PTPDC1: variants seen among roughly 807,000 people sequenced by gnomAD.
PTPDC1 encodes protein tyrosine phosphatase domain containing 1.
PTPDC1 carries 53 observed loss-of-function variants against 75.3 expected under a neutral mutation model. That is an observed-to-expected ratio of 0.70 (90% CI 0.56 to 0.88). The LOEUF (loss-of-function observed/expected upper bound fraction) is 0.88. PTPDC1 is among the 40% of genes least tolerant of loss of function. The probability of loss-of-function intolerance (pLI) is 0.00; values close to 1 mark genes in which losing one functional copy is unlikely to be tolerated. For missense variants in PTPDC1, 925 were observed against 998.6 expected (o/e 0.93, Z 0.99); for synonymous variants, 349 against 366.2 (o/e 0.95, Z 0.54).
intron 1 of PTPDC1, among the ~76,000 whole-genome samples, chr9:94,063,183 T>C (rs1449859622): frequency 1.3e-5 from 2 of 152,250 alleles, no homozygotes; most frequent in African/African-American, 4.8e-5. Flanking sequence ...CTCTGGGACA[T>C]GGTTCATAAC....
At chr9:94,055,031 A>G (rs1825892302) in intron 1 of PTPDC1, among the ~76,000 whole-genome samples, 2 of 152,208 alleles carry the variant, frequency 1.3e-5, no homozygotes, top group African/African-American at 4.8e-5. Flanking sequence ...GCTCCATTCT[A>G]TTTTGTAGAG....
chr9:94,098,520 G>A lies in PTPDC1; in HGVS notation c.1954G>A (p.Ala652Thr), dbSNP rs1827708276. Reference protein sequence around the residue: ...ARRILAAKALANLNESVEKEE... With the variant: ...ARRILAAKALTNLNESVEKEE... Reference sequence around the variant, plus strand: ...AAGAATACTGGCGGCCAAAGCCCTAGCAAATTTAAATGAATCTGTAGAAAA... The same window carrying A: ...AAGAATACTGGCGGCCAAAGCCCTAACAAATTTAAATGAATCTGTAGAAAA... The change falls in exon 6 of 9, where the codon GCA becomes ACA. Residue 652 changes from alanine to threonine, a missense_variant. Coordinates refer to ENST00000620992, the MANE Select transcript of PTPDC1 (RefSeq NM_001253829.2). 1 of 1,614,048 alleles carries A rather than the reference G, an allele frequency of 6.2e-7. No individual in the cohort carries two copies. The highest frequency in any genetic ancestry group is 1.3e-5 in the African/African-American group (1 of 74,924).
intron 5 of PTPDC1, among the ~76,000 whole-genome samples, chr9:94,096,547 A>G (rs754762803): frequency 1.3e-5 from 2 of 152,144 alleles, no homozygotes; most frequent in Admixed American, 6.5e-5. Context: ...ATTTGAATTA[A>G]TTTATTAATT....
At chr9:94,083,232 G>A (rs1049162098), upstream of PTPDC1, among the ~76,000 whole-genome samples, 23 of 152,198 alleles carry the variant, frequency 1.5e-4, no homozygotes, top group Admixed American at 1.4e-3. Flanking sequence ...TTAGGGTCCT[G>A]AGGGCCTTGC....
chr9:94,094,547 C>G (rs1827465667), intron 4 of PTPDC1, among the ~76,000 whole-genome samples: 1 of 152,132 alleles, frequency 6.6e-6, no homozygotes, highest in African/African-American at 2.4e-5. Flanking sequence ...TGTGCCCTGC[C>G]CCCAGAGGTG....
intron 2 of PTPDC1, among the ~76,000 whole-genome samples, chr9:94,065,090 C>T (rs576253531): frequency 2.0e-5 from 3 of 152,386 alleles, no homozygotes; most frequent in Non-Finnish European, 4.4e-5. Context: ...TTGTTCCTAT[C>T]ATCAAAGGCC....
intron 2 of PTPDC1, among the ~76,000 whole-genome samples, chr9:94,086,109 T>C (rs1827065228): frequency 6.6e-6 from 1 of 152,214 alleles, no homozygotes; most frequent in Non-Finnish European, 1.5e-5. Flanking sequence ...ATTTTATACA[T>C]CAAGAACCCA....
At chr9:94,082,292 C>T (rs1027093600), upstream of PTPDC1, among the ~76,000 whole-genome samples, 8 of 152,232 alleles carry the variant, frequency 5.3e-5, no homozygotes, top group African/African-American at 7.2e-5. Context: ...GGGCCTCCCA[C>T]GCCCACCAGG....
chr9:94,038,437 G>A (rs771543317), intron 1 of PTPDC1: 2 of 325,024 alleles, frequency 6.2e-6, no homozygotes, highest in Non-Finnish European at 1.1e-5. Flanking sequence ...AATTCAGATC[G>A]TGAATTACTG....
chr9:94,065,964 CT>C (rs1293047353), intron 2 of PTPDC1, among the ~76,000 whole-genome samples: 1 of 152,170 alleles, frequency 6.6e-6, no homozygotes. Flanking sequence ...TCAGACAAAC[CT>C]TTTTCCCTTT....
At chr9:94,076,435 T>C (rs1391091327) in intron 2 of PTPDC1, among the ~76,000 whole-genome samples, 2 of 152,210 alleles carry the variant, frequency 1.3e-5, no homozygotes, top group South Asian at 4.1e-4. Context: ...TGGAACCATA[T>C]AAATATGTGG....
chr9:94,091,836 A>G (rs1441229237), intron 4 of PTPDC1, among the ~76,000 whole-genome samples: 1 of 152,082 alleles, frequency 6.6e-6, no homozygotes, highest in Admixed American at 6.5e-5. Context: ...AGAGGAATTT[A>G]TCCATTTCTT....
intron 1 of PTPDC1, among the ~76,000 whole-genome samples, chr9:94,058,852 A>G (rs1248523578): frequency 1.3e-5 from 2 of 151,942 alleles, no homozygotes; most frequent in African/African-American, 4.8e-5. Flanking sequence ...TTAGCTGGGC[A>G]TGGTAGCACA....
chr9:94,056,726 T>C (rs1825950050), intron 1 of PTPDC1, among the ~76,000 whole-genome samples: 1 of 152,228 alleles, frequency 6.6e-6, no homozygotes, highest in African/African-American at 2.4e-5. Flanking sequence ...CCTAGTCTCT[T>C]GTGTGAAATG....
intron 1 of PTPDC1, among the ~76,000 whole-genome samples, chr9:94,063,282 A>G (rs1283193304): frequency 6.6e-6 from 1 of 152,220 alleles, no homozygotes; most frequent in African/African-American, 2.4e-5. Context: ...TTCTCATCAA[A>G]ATGTTTTAAG....
chr9:94,081,314 T>C (rs149448231), upstream of PTPDC1, among the ~76,000 whole-genome samples: 2,219 of 152,292 alleles, frequency 0.015, 40 homozygotes, highest in African/African-American at 0.05. Context: ...TTTGTAACTT[T>C]TGTAACTTTT....
intron 1 of PTPDC1, among the ~76,000 whole-genome samples, 167 bp downstream of exon 1, chr9:94,084,941 C>A (rs1031007132): frequency 6.6e-6 from 1 of 152,112 alleles, no homozygotes; most frequent in African/African-American, 2.4e-5. Flanking sequence ...ATAAAATGAT[C>A]AAATGTTTTG....
chr9:94,046,992 T>C (rs961339804), intron 1 of PTPDC1, among the ~76,000 whole-genome samples: 1 of 152,242 alleles, frequency 6.6e-6, no homozygotes, highest in African/African-American at 2.4e-5. Flanking sequence ...TTGTCATAGA[T>C]AGCTCTTATT....
At chr9:94,065,010 G>T (rs769837650) in intron 2 of PTPDC1, among the ~76,000 whole-genome samples, 1 of 152,206 alleles carries the variant, frequency 6.6e-6, no homozygotes, top group Non-Finnish European at 1.5e-5. Flanking sequence ...AATGGCCTTG[G>T]CCTTTTAAGA....
Sources: allele counts gnomAD v4.1 joint callset (sites outside exome capture counted in the v4.1 genomes callset), GRCh38; gene constraint gnomAD v4.1.1; transcripts MANE v1.5; gene names NCBI Gene and HGNC (gene_info 2026-07-23, HGNC 2026-07-21).